The following WDR1 variants were observed in gnomAD, a reference collection of about 807,000 sequenced individuals.
WDR1 encodes the protein WD repeat-containing protein 1.
WDR1 carries 21 observed loss-of-function variants against 71.9 expected under a neutral mutation model. The ratio of observed to expected loss-of-function variants is 0.29; its 90% CI spans 0.21 to 0.42. WDR1 has a LOEUF of 0.42. Among genes scored for constraint, WDR1 ranks in the 10% least tolerant of loss-of-function variants. WDR1 has a pLI of 1.00. For synonymous variants in WDR1, 424 were observed against 347.4 expected, an observed-to-expected ratio of 1.22 and a Z score of -2.45; for missense variants, 696 against 824.5, an observed-to-expected ratio of 0.84 and a Z score of 1.91.
chr4:10,087,342 T>C (rs1711648471), intron 8 of WDR1, among the ~76,000 whole-genome samples: 2 of 152,270 alleles, frequency 1.3e-5, no homozygotes, highest in African/African-American at 4.8e-5. Flanking sequence ...CTTCTGCTCT[T>C]GCCTGCAGTC....
intron 11 of WDR1, among the ~76,000 whole-genome samples, chr4:10,079,284 G>C (rs930311800): frequency 1.3e-5 from 2 of 152,238 alleles, no homozygotes; most frequent in African/African-American, 4.8e-5. Flanking sequence ...CCACCTCTTG[G>C]AAAGTCACTT....
At chr4:10,089,567 T>C (rs1711830826) in intron 5 of WDR1, among the ~76,000 whole-genome samples, 1 of 152,248 alleles carries the variant, frequency 6.6e-6, no homozygotes, top group Non-Finnish European at 1.5e-5. Context: ...TATCAGAGAC[T>C]GATCCTTAAA....
intron 8 of WDR1, among the ~76,000 whole-genome samples, chr4:10,087,230 C>T (rs1024228238): frequency 6.6e-6 from 1 of 152,226 alleles, no homozygotes; most frequent in Non-Finnish European, 1.5e-5. Context: ...ATTCAAACTC[C>T]AGGCAGCGCC....
chr4:10,103,311 C>T (rs1039748077), intron 3 of WDR1, among the ~76,000 whole-genome samples: 2 of 151,270 alleles, frequency 1.3e-5, no homozygotes, highest in Admixed American at 6.6e-5. Context: ...CACACACACA[C>T]ACACACACAC....
At chr4:10,109,842 G>A (rs1329849893) in intron 2 of WDR1, among the ~76,000 whole-genome samples, 1 of 152,226 alleles carries the variant, frequency 6.6e-6, no homozygotes, top group Non-Finnish European at 1.5e-5. Context: ...AGAGAGATGA[G>A]GGTATCCACC....
At chr4:10,095,100 G>A (rs1361412811) in intron 5 of WDR1, among the ~76,000 whole-genome samples, 1 of 152,240 alleles carries the variant, frequency 6.6e-6, no homozygotes, top group Admixed American at 6.5e-5. Context: ...AGAAGGCGCA[G>A]ATGAAGACAG....
At chr4:10,086,152 C>T (rs144811576) in intron 8 of WDR1, among the ~76,000 whole-genome samples, 84 of 152,274 alleles carry the variant, frequency 5.5e-4, no homozygotes, top group Non-Finnish European at 8.4e-4. Flanking sequence ...CTTACTCACC[C>T]GTGTACAATT....
intron 12 of WDR1, among the ~76,000 whole-genome samples, chr4:10,078,410 C>T (rs544225183): frequency 3.3e-5 from 5 of 152,178 alleles, no homozygotes; most frequent in Non-Finnish European, 7.3e-5. Context: ...AGAATTATGC[C>T]GAGGCAGAAC....
chr4:10,075,657 A>T, intron 14 of WDR1, 173 bp from the exon 15 acceptor site: 2 of 644,720 alleles, frequency 3.1e-6, no homozygotes, highest in Non-Finnish European at 5.5e-6. Flanking sequence ...TGAATTCTCC[A>T]CGTGACACTC....
Position 10,074,563 on chromosome 4 carries a change from CT to C in WDR1, c.*814del, listed in dbSNP as rs1764723171. 3 of 152,594 alleles carry C rather than the reference CT, an allele frequency of 2.0e-5. No homozygotes were observed. The South Asian group carries it at 6.2e-4, about 32-fold the overall frequency. 9.5% of individuals were successfully genotyped at this position (152,594 alleles called of 1,614,324 possible). Reference sequence around the variant, plus strand: ...ACAGATTAGTTTACAGTGACTTCATCTTTGTCCTTAAATTAACCTTTGCTCT... The same window carrying C: ...ACAGATTAGTTTACAGTGACTTCATCTTGTCCTTAAATTAACCTTTGCTCT... On this transcript the variant is annotated 3_prime_UTR_variant, in exon 15 of 15. Transcript: ENST00000499869.
rs186487326 is a variant in WDR1, at chr4:10,104,091, C to G, written c.139-105G>C. Reference sequence around the variant, plus strand: ...GGTGAAAGGGGTGTACAAAGAAACACTGAAGCTAAAACCGTGAAGAAAACC... The same window carrying G: ...GGTGAAAGGGGTGTACAAAGAAACAGTGAAGCTAAAACCGTGAAGAAAACC... On this transcript the variant is annotated intron_variant, in intron 2 of 14. Coordinates refer to ENST00000499869, the MANE Select transcript of WDR1 (RefSeq NM_017491.5). 9 of 1,218,494 alleles carry G rather than the reference C, an allele frequency of 7.4e-6. No homozygotes were observed. In the East Asian group the frequency reaches 1.0e-4, roughly 14 times the overall value. The allele number at this position is 1,218,494 out of a possible 1,614,324, so 75.5% of individuals were successfully genotyped here.
intron 3 of WDR1, among the ~76,000 whole-genome samples, chr4:10,102,486 T>C (rs1712736481): frequency 6.6e-6 from 1 of 152,202 alleles, no homozygotes; most frequent in African/African-American, 2.4e-5. Context: ...CCCCTCTTCT[T>C]CTCTCACCTT....
intron 5 of WDR1, among the ~76,000 whole-genome samples, chr4:10,095,397 T>A (rs1479703835): frequency 6.6e-6 from 1 of 152,220 alleles, no homozygotes; most frequent in African/African-American, 2.4e-5. Context: ...TCCGACCACA[T>A]CAGAAGAGCC....
chr4:10,096,236 A>C (rs1436533775), intron 5 of WDR1: 1 of 152,184 alleles, frequency 6.6e-6, no homozygotes, highest in Non-Finnish European at 1.5e-5. Flanking sequence ...CCCCACCCAC[A>C]GCCGGCTTCT....
chr4:10,106,244 C>T (rs1713008699), intron 2 of WDR1, among the ~76,000 whole-genome samples: 1 of 152,154 alleles, frequency 6.6e-6, no homozygotes, highest in African/African-American at 2.4e-5. Flanking sequence ...TCTACTGTAT[C>T]TAAAGTACAC....
At chr4:10,093,750 G>T (rs1212326255) in intron 5 of WDR1, among the ~76,000 whole-genome samples, 2 of 152,224 alleles carry the variant, frequency 1.3e-5, no homozygotes, top group Admixed American at 6.5e-5. Flanking sequence ...GTCGACAGGA[G>T]GGGTGGCGCG....
At chr4:10,076,285 T>G (rs533082341) in intron 14 of WDR1, 1 of 152,514 alleles carries the variant, frequency 6.6e-6, no homozygotes, top group South Asian at 2.1e-4. Flanking sequence ...CCACCAAGCA[T>G]GACTTGGCTG....
chr4:10,088,052 G>A, intron 7 of WDR1, 112 bp from the exon 8 acceptor site: 1 of 1,100,224 alleles, frequency 9.1e-7, no homozygotes, highest in Non-Finnish European at 1.3e-6. Context: ...GGAGCCCAGA[G>A]AGAGGGTGGG....
chr4:10,101,014 C>A (rs748232653), intron 3 of WDR1, among the ~76,000 whole-genome samples: 54 of 152,278 alleles, frequency 3.5e-4, no homozygotes, highest in Non-Finnish European at 5.7e-4. Flanking sequence ...GAAAGAGGCG[C>A]CTTCCTCCAG....
Sources: allele counts gnomAD v4.1 joint callset (sites outside exome capture counted in the v4.1 genomes callset), GRCh38; gene constraint gnomAD v4.1.1; transcripts MANE v1.5; gene names NCBI Gene and HGNC (gene_info 2026-07-23, HGNC 2026-07-21).